Variants in ELAVL2 observed in about 807,000 individuals in gnomAD.
ELAVL2 encodes the protein ELAV like RNA binding protein 2.
Under a neutral mutation model 34.6 loss-of-function variants are expected in ELAVL2, and 4 were observed. The observed-to-expected ratio is 0.12, with a 90% CI of 0.06 to 0.26. The LOEUF (loss-of-function observed/expected upper bound fraction) is 0.26. Among genes scored for constraint, ELAVL2 ranks in the 10% least tolerant of loss-of-function variants. The probability of loss-of-function intolerance (pLI) is 1.00; values close to 1 mark genes in which losing one functional copy is unlikely to be tolerated. For synonymous variants in ELAVL2, 193 were observed against 154.8 expected (o/e 1.25, Z -1.83); for missense variants, 432 against 442.8 (o/e 0.98, Z 0.22).
chr9:23,796,085 AC>A (rs2060889692), intron 1 of ELAVL2, among the ~76,000 whole-genome samples: 1 of 152,244 alleles, frequency 6.6e-6, no homozygotes, highest in South Asian at 2.1e-4. Flanking sequence ...AAAAATTTGA[AC>A]AGTAATATAC....
intron 2 of ELAVL2, among the ~76,000 whole-genome samples, chr9:23,754,369 G>C (rs2052986565): frequency 6.6e-6 from 1 of 152,058 alleles, no homozygotes; most frequent in Admixed American, 6.6e-5. Flanking sequence ...ATGAAGAGAT[G>C]TTAACTGGGA....
intron 1 of ELAVL2, among the ~76,000 whole-genome samples, chr9:23,807,947 C>T (rs547999260): frequency 1.3e-5 from 2 of 152,056 alleles, no homozygotes; most frequent in African/African-American, 4.8e-5. Context: ...GTAAAAGTTG[C>T]CAAATTACGT....
the ELAVL2 span, among the ~76,000 whole-genome samples, chr9:23,834,826 C>T: frequency 1.3e-5 from 2 of 151,974 alleles, no homozygotes; most frequent in African/African-American, 4.8e-5. Flanking sequence ...ATGATTCACC[C>T]ATAAAAAGTT....
At chr9:23,805,178 G>T (rs1173470416) in intron 1 of ELAVL2, among the ~76,000 whole-genome samples, 1 of 152,106 alleles carries the variant, frequency 6.6e-6, no homozygotes, top group East Asian at 1.9e-4. Flanking sequence ...ACAAAAGAAA[G>T]ACGTTAATCA....
intron 5 of ELAVL2, among the ~76,000 whole-genome samples, chr9:23,695,832 G>A (rs62539993): frequency 1.3e-5 from 2 of 152,058 alleles, no homozygotes; most frequent in Non-Finnish European, 2.9e-5. Flanking sequence ...ATGGTACCAC[G>A]GTCGTACATG....
chr9:23,831,951 A>G, the ELAVL2 span, among the ~76,000 whole-genome samples: 9 of 152,222 alleles, frequency 5.9e-5, no homozygotes, highest in Non-Finnish European at 8.8e-5. Flanking sequence ...TACTATGAAT[A>G]AACAATTTGA....
intron 2 of ELAVL2, among the ~76,000 whole-genome samples, chr9:23,745,125 G>A (rs919102680): frequency 6.6e-6 from 1 of 152,046 alleles, no homozygotes; most frequent in South Asian, 2.1e-4. Context: ...GATCACTTGA[G>A]CTTGGGAGCT....
intron 3 of ELAVL2, among the ~76,000 whole-genome samples, chr9:23,723,418 T>C (rs934859564): frequency 1.3e-5 from 2 of 151,824 alleles, no homozygotes; most frequent in Admixed American, 6.6e-5. Flanking sequence ...CTGGGGACTG[T>C]TGTGGGGACG....
rs907159495 is a variant in ELAVL2 at position 23,740,937 on chromosome 9, C to T, written c.230-9812G>A. Among the ~76,000 whole-genome samples the T allele has an allele frequency of 4.6e-5, 7 of 152,294 alleles. No homozygotes were observed. In the Middle Eastern group the frequency reaches 0.01, roughly 222 times the overall value. On this transcript the variant is annotated intron_variant, in intron 2 of 6. Transcript: ENST00000397312. ...TGCTTTCATACGCATAGCATGATTT[C>T]ATAGCGGTGGAAAAAAGATGGGATC...
At chr9:23,711,009 A>T (rs2040793829) in intron 3 of ELAVL2, among the ~76,000 whole-genome samples, 2 of 152,200 alleles carry the variant, frequency 1.3e-5, no homozygotes, top group South Asian at 4.1e-4. Flanking sequence ...TCCTACCAGG[A>T]ACAAGTCTCA....
chr9:23,725,651 C>A (rs2044930835), intron 3 of ELAVL2, among the ~76,000 whole-genome samples: 1 of 152,102 alleles, frequency 6.6e-6, no homozygotes. Flanking sequence ...TCCCAATAAT[C>A]CTGTCGCAAA....
At chr9:23,754,607 C>CA (rs1027728437) in intron 2 of ELAVL2, among the ~76,000 whole-genome samples, 11 of 152,044 alleles carry the variant, frequency 7.2e-5, no homozygotes, top group African/African-American at 2.7e-4. Context: ...TACAGGCGTG[C>CA]AGCACCACCA....
intron 3 of ELAVL2, among the ~76,000 whole-genome samples, chr9:23,725,353 CT>C (rs1349941806): frequency 6.6e-6 from 1 of 152,138 alleles, no homozygotes; most frequent in Non-Finnish European, 1.5e-5. Context: ...TATGGTTCCC[CT>C]ATCAACTGCT....
chr9:23,717,207 T>C (rs76270511), intron 3 of ELAVL2, among the ~76,000 whole-genome samples: 4,893 of 152,288 alleles, frequency 0.032, 107 homozygotes, highest in Non-Finnish European at 0.044. Flanking sequence ...AATGAAAATA[T>C]AATGATCCTT....
At chr9:23,775,546 C>A (rs2058051688) in intron 1 of ELAVL2, among the ~76,000 whole-genome samples, 1 of 152,168 alleles carries the variant, frequency 6.6e-6, no homozygotes, top group Non-Finnish European at 1.5e-5. Flanking sequence ...TTGCCCCTTT[C>A]TCCAATCCTT....
At chr9:23,773,945 C>G (rs576245735) in intron 1 of ELAVL2, among the ~76,000 whole-genome samples, 1 of 152,146 alleles carries the variant, frequency 6.6e-6, no homozygotes, top group South Asian at 2.1e-4. Flanking sequence ...GGCGCAGTGG[C>G]TCACACTTCT....
intron 1 of ELAVL2, among the ~76,000 whole-genome samples, chr9:23,768,365 G>T (rs992848351): frequency 6.6e-6 from 1 of 151,596 alleles, no homozygotes; most frequent in African/African-American, 2.4e-5. Context: ...CATTGAAAAA[G>T]CAAAGGGCAA....
At chr9:23,708,808 T>A (rs370445887) in intron 3 of ELAVL2, among the ~76,000 whole-genome samples, 5 of 152,064 alleles carry the variant, frequency 3.3e-5, no homozygotes, top group Admixed American at 6.5e-5. Context: ...CACTGGCTTT[T>A]TTTGTATTTT....
At chr9:23,702,088 T>C (rs989456761) in intron 4 of ELAVL2, among the ~76,000 whole-genome samples, 3 of 152,182 alleles carry the variant, frequency 2.0e-5, no homozygotes. Flanking sequence ...ACATACACTG[T>C]GGTAGAAAGA....
Sources: allele counts gnomAD v4.1 joint callset (sites outside exome capture counted in the v4.1 genomes callset), GRCh38; gene constraint gnomAD v4.1.1; transcripts MANE v1.5; gene names NCBI Gene and HGNC (gene_info 2026-07-23, HGNC 2026-07-21).